DIPK1A: variants seen among roughly 807,000 people sequenced by gnomAD.
DIPK1A encodes the protein family with sequence similarity 69 member A.
In DIPK1A, 27 loss-of-function variants were observed where a neutral mutation model predicts 40.8. That is an observed-to-expected ratio of 0.66 (90% CI 0.49 to 0.91). DIPK1A has a LOEUF of 0.91. Among genes scored for constraint, DIPK1A ranks in the 40% least tolerant of loss-of-function variants. The pLI is 0.00. For missense variants in DIPK1A, 412 were observed against 505.7 expected (o/e 0.81, Z 1.78); for synonymous variants, 166 against 171.3 (o/e 0.97, Z 0.24).
Position 92,846,870 on chromosome 1 carries a change from T to TAC in DIPK1A, c.474+312_474+313insGT, listed in dbSNP as rs1687649200. ...GTGTATATATATATGTGTGTATATA[T>TAC]ATATATATATATACACACACACGTA... On this transcript the variant is annotated intron_variant, in intron 4 of 4. Transcript: ENST00000370310. 3.0e-4 allele frequency among the ~76,000 whole-genome samples: 4 copies of TAC among 13,554 alleles called. 1 individual carries two copies. The highest frequency in any genetic ancestry group is 1.8e-3 in the African/African-American group (4 of 2,234). The allele number at this position is 13,554 out of a possible 152,430, so 8.9% of individuals were successfully genotyped here.
chr1:92,846,504 G>C, intron 4 of DIPK1A: 1 of 324,008 alleles, frequency 3.1e-6, no homozygotes, highest in Non-Finnish European at 6.3e-6. Context: ...CACCTTTTTT[G>C]AATTAATTTT....
At position 92,849,740 on chromosome 1, in the gene DIPK1A, C is replaced by T. The variant is rs115175883; in HGVS notation, c.297+1108G>A. 3.0e-3 allele frequency among the ~76,000 whole-genome samples: 450 copies of T among 152,040 alleles called. 4 individuals carry two copies. The highest frequency in any genetic ancestry group is 0.011 in the African/African-American group (437 of 41,460). On this transcript the variant is annotated intron_variant, in intron 3 of 4. Coordinates refer to ENST00000370310, the MANE Select transcript of DIPK1A (RefSeq NM_001006605.5). ...TGTTGCTCAGGTTGGTCTTGAATGC[C>T]TGGCCTCAAGTGACCTACCGCCTCA... is the stretch of plus-strand genomic sequence containing the variant.
chr1:92,936,220 C>A (rs531021321), intron 1 of DIPK1A, among the ~76,000 whole-genome samples: 1 of 152,312 alleles, frequency 6.6e-6, no homozygotes, highest in South Asian at 2.1e-4. Flanking sequence ...AAATGCAGTA[C>A]AGAGTTGAAG....
intron 1 of DIPK1A, among the ~76,000 whole-genome samples, chr1:92,922,927 T>A (rs1173662885): frequency 1.4e-5 from 2 of 142,650 alleles, no homozygotes; most frequent in Non-Finnish European, 3.1e-5. Flanking sequence ...TTTCATCTCC[T>A]TTTTTTTTTT....
intron 1 of DIPK1A, among the ~76,000 whole-genome samples, chr1:92,948,326 T>TA (rs1184119214): frequency 6.6e-6 from 1 of 152,132 alleles, no homozygotes; most frequent in Non-Finnish European, 1.5e-5. Flanking sequence ...GAGCAAATGG[T>TA]ACATGAGGTG....
chr1:92,883,058 A>C (rs1233608215), intron 1 of DIPK1A, among the ~76,000 whole-genome samples: 1 of 152,210 alleles, frequency 6.6e-6, no homozygotes, highest in Non-Finnish European at 1.5e-5. Context: ...GCCACTGAGG[A>C]AGTGACTTCT....
chr1:92,882,632 A>T (rs1473094059), intron 1 of DIPK1A, among the ~76,000 whole-genome samples: 1 of 152,216 alleles, frequency 6.6e-6, no homozygotes, highest in Non-Finnish European at 1.5e-5. Flanking sequence ...AACCATGCTG[A>T]TACATATAGC....
intron 1 of DIPK1A, among the ~76,000 whole-genome samples, chr1:92,916,539 T>TGATC (rs1650062258): frequency 6.6e-6 from 1 of 152,144 alleles, no homozygotes; most frequent in Admixed American, 6.5e-5. Context: ...TGACCTCAGG[T>TGATC]GATCCACCTG....
intron 2 of DIPK1A, among the ~76,000 whole-genome samples, chr1:92,864,013 G>A (rs539396749): frequency 1.5e-4 from 23 of 152,142 alleles, no homozygotes; most frequent in Admixed American, 8.5e-4. Context: ...GCTGAGATGC[G>A]CCACTGCACT....
intron 1 of DIPK1A, among the ~76,000 whole-genome samples, chr1:92,956,969 A>T (rs1049654296): frequency 4.6e-5 from 7 of 152,246 alleles, no homozygotes; most frequent in Non-Finnish European, 8.8e-5. Context: ...GAACTGCACC[A>T]ACTTTTCATA....
intron 4 of DIPK1A, chr1:92,846,686 T>A: frequency 3.0e-6 from 1 of 329,348 alleles, no homozygotes; most frequent in Non-Finnish European, 5.9e-6. Flanking sequence ...TGGAGTGCAG[T>A]GGTGAGATCT....
At chr1:92,867,941 A>G (rs1426978344) in intron 2 of DIPK1A, among the ~76,000 whole-genome samples, 1 of 152,236 alleles carries the variant, frequency 6.6e-6, no homozygotes. Flanking sequence ...ATGCTATGTT[A>G]CAGCAATGAC....
chr1:92,862,306 T>G (rs1647317378), intron 2 of DIPK1A, among the ~76,000 whole-genome samples: 2 of 152,114 alleles, frequency 1.3e-5, no homozygotes, highest in Admixed American at 1.3e-4. Context: ...ATCACACCCT[T>G]CCCTCCTCTG....
At chr1:92,900,633 TAG>T (rs141188605) in intron 1 of DIPK1A, among the ~76,000 whole-genome samples, 2,701 of 152,230 alleles carry the variant, frequency 0.018, 71 homozygotes, top group African/African-American at 0.054. Context: ...GGTCTGTCAC[TAG>T]AGAGTTATGT....
chr1:92,843,274 GA>G lies in DIPK1A; in HGVS notation c.*108del, dbSNP rs1687447137. On this transcript the variant is annotated 3_prime_UTR_variant, in exon 5 of 5. Coordinates refer to ENST00000370310, the MANE Select transcript of DIPK1A (RefSeq NM_001006605.5). ...ACTGATGGCTTCTCAGGCCTGGGGGGAAGGAGTTTTGTGTAACTGGCCGGAA... is the reference window on the plus strand; with the variant it reads ...ACTGATGGCTTCTCAGGCCTGGGGGGAGGAGTTTTGTGTAACTGGCCGGAA... 1 of 1,451,722 alleles carries G rather than the reference GA, an allele frequency of 6.9e-7. No homozygotes were observed. Among genetic ancestry groups the G allele is most frequent in the Admixed American group, 2.9e-5 (1 of 34,520 alleles). 89.9% of individuals were successfully genotyped at this position (1,451,722 alleles called of 1,614,324 possible).
intron 1 of DIPK1A, among the ~76,000 whole-genome samples, chr1:92,937,417 T>A (rs1423778379): frequency 6.6e-6 from 1 of 152,226 alleles, no homozygotes; most frequent in Non-Finnish European, 1.5e-5. Flanking sequence ...TATACTTCTA[T>A]CTAACTTTTG....
At chr1:92,848,788 T>C (rs1687715332) in intron 3 of DIPK1A, among the ~76,000 whole-genome samples, 1 of 152,206 alleles carries the variant, frequency 6.6e-6, no homozygotes, top group South Asian at 2.1e-4. Context: ...GACACTCAAA[T>C]GTTGGACTTT....
intron 1 of DIPK1A, among the ~76,000 whole-genome samples, chr1:92,953,750 A>C (rs1186033912): frequency 6.6e-6 from 1 of 152,216 alleles, no homozygotes; most frequent in African/African-American, 2.4e-5. Flanking sequence ...GGAAATGAGG[A>C]GTCGTTCAAT....
intron 2 of DIPK1A, among the ~76,000 whole-genome samples, chr1:92,870,846 G>A (rs982793452): frequency 2.0e-5 from 3 of 152,186 alleles, no homozygotes; most frequent in African/African-American, 7.2e-5. Flanking sequence ...CAGTGAGGGG[G>A]ATAAAGGTCT....
Sources: gnomAD v4.1 joint callset for allele counts (sites outside exome capture counted in the v4.1 genomes callset) on GRCh38, gnomAD v4.1.1 for gene constraint, MANE v1.5 for transcripts, NCBI Gene and HGNC (gene_info 2026-07-23, HGNC 2026-07-21) for gene names.